The following PCDH15 variants were observed in gnomAD, a reference collection of about 807,000 sequenced individuals.
The protein encoded by PCDH15 is protocadherin-15.
In PCDH15, 129 loss-of-function variants were observed where a neutral mutation model predicts 178.5. The ratio of observed to expected loss-of-function variants is 0.72; its 90% CI spans 0.63 to 0.84. PCDH15 has a LOEUF of 0.84. Ranked by LOEUF, PCDH15 falls within the 40% of genes least tolerant of loss-of-function variation. The pLI, the probability that PCDH15 is intolerant of heterozygous loss-of-function variation, is 0.00. For synonymous variants in PCDH15, 800 were observed against 732.0 expected (o/e 1.09, Z -1.50); for missense variants, 2,230 against 2,099.9 (o/e 1.06, Z -1.21).
At chr10:54,133,832 C>G (rs1483175364) in intron 14 of PCDH15, among the ~76,000 whole-genome samples, 1 of 150,066 alleles carries the variant, frequency 6.7e-6, no homozygotes. Flanking sequence ...AGCCCTCTAT[C>G]GTGAAAAAAC....
chr10:54,926,762 G>A (rs1733790), intron 2 of PCDH15, among the ~76,000 whole-genome samples: 20,391 of 151,878 alleles, frequency 0.13, 1,557 homozygotes, highest in East Asian at 0.23. Context: ...AATATTCTCC[G>A]ATGGTTATCT....
chr10:54,146,219 A>T (rs910381647), intron 14 of PCDH15, among the ~76,000 whole-genome samples: 2 of 152,048 alleles, frequency 1.3e-5, no homozygotes. Flanking sequence ...ATTGTATTTT[A>T]AAAAGAATGT....
intron 2 of PCDH15, among the ~76,000 whole-genome samples, chr10:55,133,616 A>T (rs1480569883): frequency 1.3e-5 from 2 of 152,044 alleles, no homozygotes; most frequent in Non-Finnish European, 2.9e-5. Context: ...CTTTCACACA[A>T]GTTTAATAGG....
At chr10:55,148,157 A>G (rs981100360) in intron 2 of PCDH15, among the ~76,000 whole-genome samples, 3 of 151,866 alleles carry the variant, frequency 2.0e-5, no homozygotes, top group Non-Finnish European at 4.4e-5. Context: ...TGAAAATGCT[A>G]CTTAATATCC....
At position 53,852,147 on chromosome 10, in the gene PCDH15, G is replaced by T. The variant is rs532109522; in HGVS notation, c.3806+5028C>A. Reference sequence around the variant, plus strand: ...TCTTATTTGAGTTTCATGGTGAACTGGGAGTAGAAAGAAGTTATAAAATGC... The same window carrying T: ...TCTTATTTGAGTTTCATGGTGAACTTGGAGTAGAAAGAAGTTATAAAATGC... On this transcript the variant is annotated intron_variant, in intron 28 of 37. Transcript: ENST00000644397. Among the ~76,000 whole-genome samples, 57 of 152,070 alleles carry T rather than the reference G, an allele frequency of 3.7e-4. 1 individual carries two copies. In the South Asian group the frequency reaches 0.01, roughly 28 times the overall value.
chr10:54,039,980 G>A (rs932836225), intron 18 of PCDH15, among the ~76,000 whole-genome samples: 2 of 151,978 alleles, frequency 1.3e-5, no homozygotes, highest in Non-Finnish European at 2.9e-5. Flanking sequence ...AGGGCAGTGG[G>A]TGGGGGAAGA....
At chr10:53,814,922 C>T (rs1315727615) in intron 35 of PCDH15, among the ~76,000 whole-genome samples, 1 of 150,902 alleles carries the variant, frequency 6.6e-6, no homozygotes, top group Non-Finnish European at 1.5e-5. Context: ...CAAGATTATG[C>T]CACTGCACTC....
At position 54,816,203 on chromosome 10, in the gene PCDH15, T is replaced by G. The variant is rs897991268; in HGVS notation, c.-29+81247A>C. 4.6e-5 allele frequency among the ~76,000 whole-genome samples: 7 copies of G among 152,166 alleles called. No individual in the cohort carries two copies. The East Asian group carries it at 9.6e-4, about 21-fold the overall frequency. ...GTACCTATGAAAGTGCCTGACATATTGGAGATGTTGACTATATATTTATGT... is the reference window on the plus strand; with the variant it reads ...GTACCTATGAAAGTGCCTGACATATGGGAGATGTTGACTATATATTTATGT... On this transcript the variant is annotated intron_variant, in intron 3 of 5. Coordinates refer to the PCDH15 transcript ENST00000458638.
intron 2 of PCDH15, among the ~76,000 whole-genome samples, chr10:54,654,330 T>C (rs2094329545): frequency 6.6e-6 from 1 of 151,998 alleles, no homozygotes; most frequent in Non-Finnish European, 1.5e-5. Context: ...AGTGGGGAAA[T>C]TTCAAAATCA....
At chr10:55,082,582 GA>G (rs35092419) in intron 2 of PCDH15, among the ~76,000 whole-genome samples, 17,814 of 133,700 alleles carry the variant, frequency 0.13, 1,552 homozygotes, top group East Asian at 0.43. Context: ...AAATTGAAAT[GA>G]AAAAAAAAAA....
Position 53,844,144 on chromosome 10 carries a change from C to T in PCDH15, c.3807-3648G>A, listed in dbSNP as rs1468481906. On this transcript the variant is annotated intron_variant, in intron 28 of 37. Transcript: ENST00000644397. ...CTGATGTAGTAGTGTGTGGCCAGAG[C>T]AGATCACGTGGGGACTTTGAGGATT... Among the ~76,000 whole-genome samples the T allele has an allele frequency of 2.6e-5, 4 of 152,014 alleles. No homozygotes were observed. In the East Asian group the frequency reaches 7.7e-4, roughly 29 times the overall value.
intron 2 of PCDH15, among the ~76,000 whole-genome samples, chr10:54,923,562 C>G (rs796331354): frequency 2.0e-4 from 27 of 137,916 alleles, no homozygotes; most frequent in African/African-American, 6.5e-4. Flanking sequence ...AGCTTATGCT[C>G]TTAGAAGCAG....
chr10:54,283,421 G>A (rs571177487), intron 8 of PCDH15, among the ~76,000 whole-genome samples: 5 of 152,198 alleles, frequency 3.3e-5, no homozygotes, highest in African/African-American at 4.8e-5. Flanking sequence ...GAAAATACAA[G>A]TACTGGTAGT....
intron 26 of PCDH15, among the ~76,000 whole-genome samples, chr10:53,873,944 C>G (rs574863756): frequency 6.6e-6 from 1 of 152,146 alleles, no homozygotes; most frequent in African/African-American, 2.4e-5. Flanking sequence ...AGGACGGCCT[C>G]GCTAGGCACT....
chr10:54,348,031 G>A (rs1444657146), intron 5 of PCDH15, among the ~76,000 whole-genome samples: 2 of 151,750 alleles, frequency 1.3e-5, no homozygotes, highest in Non-Finnish European at 2.9e-5. Flanking sequence ...TGTATTTTTA[G>A]TAGAGATGGG....
intron 2 of PCDH15, among the ~76,000 whole-genome samples, chr10:54,933,746 T>G (rs985937667): frequency 2.0e-5 from 3 of 152,168 alleles, no homozygotes; most frequent in African/African-American, 7.2e-5. Context: ...ATTTTAATTA[T>G]GGATTCCATG....
At chr10:54,730,931 A>T (rs558010098) in intron 1 of PCDH15, among the ~76,000 whole-genome samples, 24 of 151,580 alleles carry the variant, frequency 1.6e-4, no homozygotes, top group African/African-American at 5.8e-4. Flanking sequence ...TAGGCTAAAA[A>T]CCTTCTGCAC....
intron 3 of PCDH15, among the ~76,000 whole-genome samples, chr10:54,524,111 T>A (rs1042617246): frequency 3.3e-5 from 5 of 152,166 alleles, no homozygotes; most frequent in Non-Finnish European, 7.4e-5. Context: ...AAATAACTTT[T>A]AAAAAATTAT....
intron 2 of PCDH15, among the ~76,000 whole-genome samples, chr10:55,035,864 T>G (rs1314646777): frequency 6.6e-6 from 1 of 152,176 alleles, no homozygotes; most frequent in Non-Finnish European, 1.5e-5. Context: ...ATGTCCAATT[T>G]TTTTTATAAT....
Sources: gnomAD v4.1 joint callset for allele counts (sites outside exome capture counted in the v4.1 genomes callset) on GRCh38, gnomAD v4.1.1 for gene constraint, MANE v1.5 for transcripts, NCBI Gene and HGNC (gene_info 2026-07-23, HGNC 2026-07-21) for gene names.